OR10A3: variants seen among roughly 807,000 people sequenced by gnomAD.
The protein encoded by OR10A3 is olfactory receptor family 10 subfamily A member 3.
In OR10A3, 1 loss-of-function variant was observed where a neutral mutation model predicts 1.5. The observed-to-expected ratio is 0.66, with a 90% confidence interval of 0.23 to 3.11. The LOEUF is 3.11. Ranked by LOEUF, OR10A3 falls within the 30% of genes most tolerant of loss-of-function variation. The pLI is 0.21. For synonymous variants in OR10A3, 145 were observed against 143.7 expected (o/e 1.01, Z -0.06); for missense variants, 398 against 369.7 (o/e 1.08, Z -0.63).
chr11:7,939,311 C>T lies in OR10A3; in HGVS notation c.210G>A (p.Glu70=). 6.2e-7 allele frequency: 1 copy of T among 1,614,078 alleles called. No homozygotes were observed. Among genetic ancestry groups the T allele is most frequent in the South Asian group, 1.1e-5 (1 of 91,056 alleles). The part of the protein sequence containing the change: ...YLFLLNLSVV[E]VSFSAVITPE... ...GCGTAATGACTGCACTGAAACTCACCTCCACCACAGATAGGTTCAGGAGGA... is the reference window on the plus strand; with the variant it reads ...GCGTAATGACTGCACTGAAACTCACTTCCACCACAGATAGGTTCAGGAGGA... The change falls in exon 2 of 2, where the codon GAG becomes GAA. Residue 70 remains glutamate (E), a synonymous_variant. Transcript: ENST00000642047.
chr11:7,941,104 A>G (rs1671330914), intron 1 of OR10A3, among the ~76,000 whole-genome samples: 1 of 152,196 alleles, frequency 6.6e-6, no homozygotes, highest in African/African-American at 2.4e-5. Flanking sequence ...AGGAAAAAAA[A>G]ATGCCTAAGT....
chr11:7,938,648 G>T lies in OR10A3; in HGVS notation c.873C>A (p.Ser291Arg). The T allele has an allele frequency of 6.2e-7, 1 of 1,614,150 alleles. No homozygotes were observed. The highest frequency in any genetic ancestry group is 8.5e-7 in the Non-Finnish European group (1 of 1,180,034). ...LTPLLNPLIYSLRNSEMKRTL... is the reference protein window; with the variant it reads ...LTPLLNPLIYRLRNSEMKRTL... Reference sequence around the variant, plus strand: ...TCCTCTTCATCTCACTGTTTCGTAAGCTATAGATGAGCGGATTGAGCAGAG... The same window carrying T: ...TCCTCTTCATCTCACTGTTTCGTAATCTATAGATGAGCGGATTGAGCAGAG... The change falls in exon 2 of 2, where the codon AGC (serine) becomes AGA (arginine). Residue 291 changes from serine (S) to arginine (R), a missense_variant. Transcript: ENST00000642047.
In OR10A3 at chr11:7,938,070, G is replaced by A. The variant is rs12801168; in HGVS notation, c.*506C>T. The stretch of plus-strand genomic sequence containing the variant: ...TGTAATCACAGCGCTTTGGGAGGCC[G>A]AGGTGGGCGGATCATCTAAGGTTGG... On this transcript the variant is annotated 3_prime_UTR_variant, in exon 2 of 2. Transcript: ENST00000642047. 55,006 of 156,000 alleles carry A rather than the reference G, an allele frequency of 0.35. 10,016 individuals are homozygous for A. Among genetic ancestry groups the A allele is most frequent in the Admixed American group, 0.41 (6,636 of 16,226 alleles). The allele number at this position is 156,000 out of a possible 1,614,324, so 9.7% of individuals were successfully genotyped here.
chr11:7,939,513 C>A lies in OR10A3; in HGVS notation c.8G>T (p.Arg3Ile). 6.4e-7 allele frequency: 1 copy of A among 1,558,822 alleles called. No individual in the cohort carries two copies. ...TTCAACCACACAGCTTTGATTTTGT[C>A]TTTTCATTTCAGTAGTTGAAACTTA... MK[R>I]QNQSCVVEFI... Residue 3 changes from arginine to isoleucine, a missense_variant, in exon 2 of 2, where the codon AGA becomes ATA. Coordinates refer to ENST00000642047, the MANE Select transcript of OR10A3 (RefSeq NM_001003745.2).
intron 1 of OR10A3, among the ~76,000 whole-genome samples, chr11:7,941,261 A>T (rs1397599): frequency 0.31 from 47,888 of 152,094 alleles, 9,225 homozygotes; most frequent in Middle Eastern, 0.46. Flanking sequence ...AATCTAAATT[A>T]CTGCCTTCAT....
intron 1 of OR10A3, among the ~76,000 whole-genome samples, chr11:7,940,439 G>A (rs557357793): frequency 3.9e-5 from 6 of 151,994 alleles, no homozygotes; most frequent in Non-Finnish European, 8.8e-5. Context: ...GTCCATCCCC[G>A]CTGACACGCT....
chr11:7,938,583 G>T lies in OR10A3; in HGVS notation c.938C>A (p.Thr313Lys). ...CTCAGCTTCTCAACACAATCAGAAT[G>T]TGTGTAAAATCACTTTTCTTCGCCA... ...KLWRRKVILH[T>K]F The change falls in exon 2 of 2, where the codon ACA becomes AAA. Residue 313 changes from threonine to lysine, a missense_variant. Transcript: ENST00000642047. 6.2e-7 allele frequency: 1 copy of T among 1,606,802 alleles called. No homozygotes were observed. The highest frequency in any genetic ancestry group is 8.5e-7 in the Non-Finnish European group (1 of 1,175,824).
chr11:7,938,720 T>G lies in OR10A3; in HGVS notation c.801A>C (p.Ser267=). 1 of 1,614,102 alleles carries G rather than the reference T, an allele frequency of 6.2e-7. No homozygotes were observed. The highest frequency in any genetic ancestry group is 8.5e-7 in the Non-Finnish European group (1 of 1,180,022). ...MTYLQPKSGY[S]PETKKLISLA... is the part of the protein sequence containing the mutation. ...ATGAGATCAGTTTCTTGGTTTCGGG[T>G]GAGTAGCCAGATTTGGGTTGTAAAT... Residue 267 remains serine, a synonymous_variant, in exon 2 of 2, where the codon TCA becomes TCC. Transcript: ENST00000642047.
chr11:7,939,043 T>C lies in OR10A3; in HGVS notation c.478A>G (p.Thr160Ala), dbSNP rs145614500. The stretch of plus-strand genomic sequence containing the variant: ...AATGGAAAACTAAATACCCAAGTGG[T>C]CTGCACAGTAGCCACCATGATCCCT... ...ISGIMVATVQTTWVFSFPFCG... is the reference protein window; with the variant it reads ...ISGIMVATVQATWVFSFPFCG... The change falls in exon 2 of 2, where the codon ACC (threonine) becomes GCC (alanine). Residue 160 changes from threonine to alanine, a missense_variant. Coordinates refer to ENST00000642047, the MANE Select transcript of OR10A3 (RefSeq NM_001003745.2). 54 of 1,613,754 alleles carry C rather than the reference T, an allele frequency of 3.3e-5. No homozygotes were observed. In the African/African-American group the frequency reaches 5.1e-4, roughly 15 times the overall value.
chr11:7,938,528 A>G lies in OR10A3; in HGVS notation c.*48T>C, dbSNP rs1403279173. 1.5e-6 allele frequency: 2 copies of G among 1,367,926 alleles called. No individual in the cohort carries two copies. The highest frequency in any genetic ancestry group is 2.3e-5 in the East Asian group (1 of 43,200). The allele number at this position is 1,367,926 out of a possible 1,614,324, so 84.7% of individuals were successfully genotyped here. On this transcript the variant is annotated 3_prime_UTR_variant, in exon 2 of 2. Transcript: ENST00000642047. The stretch of plus-strand genomic sequence containing the variant: ...TTTTCACCCTTTATTAAATTTAAAT[A>G]GAGTTCACTCAGGCAGTGGCCAAAT...
At chr11:7,940,586 G>C (rs573536255) in intron 1 of OR10A3, among the ~76,000 whole-genome samples, 1 of 151,700 alleles carries the variant, frequency 6.6e-6, no homozygotes, top group Non-Finnish European at 1.5e-5. Context: ...CCCTCCCTCC[G>C]AGAAACTTCA....
In OR10A3 at chr11:7,937,424, G is replaced by C. The variant is rs1023599174; in HGVS notation, c.*1152C>G. On this transcript the variant is annotated 3_prime_UTR_variant, in exon 2 of 2. Transcript: ENST00000642047. ...AAGGAAAGGCAATTTTTTTGCCTGA[G>C]CCAGTTTCCAAGCTTAACTTTTCTT... The C allele has an allele frequency of 6.6e-6, 1 of 152,170 alleles. No homozygotes were observed. The highest frequency in any genetic ancestry group is 1.5e-5 in the Non-Finnish European group (1 of 68,016). 9.4% of individuals were successfully genotyped at this position (152,170 alleles called of 1,614,324 possible).
At position 7,939,437 on chromosome 11, in the gene OR10A3, A is replaced by G. The variant is rs1941407331; in HGVS notation, c.84T>C (p.Phe28=). The part of the protein sequence containing the change: ...SNFPELQVQL[F]GVFLVIYVVT... The stretch of plus-strand genomic sequence containing the variant: ...CCACATAAATAACTAGGAAAACCCC[A>G]AAGAGCTGCACCTGGAGCTCAGGAA... Residue 28 remains phenylalanine, a synonymous_variant, in exon 2 of 2, where the codon TTT becomes TTC. Coordinates refer to ENST00000642047, the MANE Select transcript of OR10A3 (RefSeq NM_001003745.2). The G allele has an allele frequency of 4.3e-6, 7 of 1,612,764 alleles. No homozygotes were observed. Among genetic ancestry groups the G allele is most frequent in the Non-Finnish European group, 5.1e-6 (6 of 1,179,702 alleles).
chr11:7,940,353 A>G (rs1286413072), intron 1 of OR10A3, among the ~76,000 whole-genome samples: 1 of 152,030 alleles, frequency 6.6e-6, no homozygotes, highest in African/African-American at 2.4e-5. Flanking sequence ...CAGAGCAACA[A>G]TCCTTGTCTC....
chr11:7,939,949 T>A (rs774237000), intron 1 of OR10A3, among the ~76,000 whole-genome samples: 7 of 152,228 alleles, frequency 4.6e-5, no homozygotes, highest in Middle Eastern at 6.8e-3. Context: ...TGAACCTGAG[T>A]TTTGGTTACG....
chr11:7,940,288 T>G (rs544968206), intron 1 of OR10A3, among the ~76,000 whole-genome samples: 66 of 152,218 alleles, frequency 4.3e-4, no homozygotes, highest in African/African-American at 1.5e-3. Flanking sequence ...CCAATCCAAC[T>G]GCCCCTCCAG....
intron 1 of OR10A3, among the ~76,000 whole-genome samples, chr11:7,940,670 A>G (rs753401174): frequency 1.3e-5 from 2 of 152,010 alleles, no homozygotes; most frequent in African/African-American, 4.8e-5. Flanking sequence ...AGTGATAACA[A>G]TTGCTTTAGG....
At position 7,938,867 on chromosome 11, in the gene OR10A3, G is replaced by A. The variant is rs1421563072; in HGVS notation, c.654C>T (p.Tyr218=). The A allele has an allele frequency of 1.9e-6, 3 of 1,614,192 alleles. No individual in the cohort carries two copies. The highest frequency in any genetic ancestry group is 2.5e-6 in the Non-Finnish European group (3 of 1,180,038). ...TCAGGATGGCAAACAGAACTCGAAT[G>A]TAAGACAAGAGGATCAACAAGAAAG... ...MVPFLLILLS[Y]IRVLFAILKM... Residue 218 remains tyrosine (Y), a synonymous_variant, in exon 2 of 2, where the codon TAC becomes TAT. Transcript: ENST00000642047.
intron 1 of OR10A3, among the ~76,000 whole-genome samples, chr11:7,940,391 A>T (rs937708138): frequency 4.6e-5 from 7 of 152,094 alleles, no homozygotes; most frequent in African/African-American, 9.7e-5. Flanking sequence ...GTCAGGGCCC[A>T]CAAGTCTTTA....
Sources: allele counts gnomAD v4.1 joint callset (sites outside exome capture counted in the v4.1 genomes callset), GRCh38; gene constraint gnomAD v4.1.1; transcripts MANE v1.5; gene names NCBI Gene and HGNC (gene_info 2026-07-23, HGNC 2026-07-21).